Variants in RALYL observed in about 807,000 individuals in gnomAD.
RALYL encodes the protein RALY RNA binding protein like.
A neutral mutation model predicts 35.1 loss-of-function variants in RALYL; 29 were observed. The ratio of observed to expected loss-of-function variants is 0.83; its 90% CI spans 0.61 to 1.13. RALYL has a LOEUF of 1.13. RALYL is among the 50% of genes most tolerant of loss of function. The pLI is 0.00. For missense variants in RALYL, 359 were observed against 360.4 expected (o/e 1.00, Z 0.03); for synonymous variants, 120 against 127.6 (o/e 0.94, Z 0.40).
chr8:84,661,022 G>A (rs1046188123), intron 2 of RALYL, among the ~76,000 whole-genome samples: 30 of 151,896 alleles, frequency 2.0e-4, no homozygotes, highest in South Asian at 1.0e-3. Context: ...TCTGCCTCCC[G>A]GGTTCACGCC....
At chr8:84,728,896 A>C (rs1238743111) in intron 2 of RALYL, among the ~76,000 whole-genome samples, 8 of 152,134 alleles carry the variant, frequency 5.3e-5, no homozygotes, top group African/African-American at 1.9e-4. Context: ...TGTGGTTTGA[A>C]GTCAGGTAGC....
intron 1 of RALYL, among the ~76,000 whole-genome samples, chr8:84,511,128 A>G (rs1307137247): frequency 6.6e-6 from 1 of 152,092 alleles, no homozygotes; most frequent in African/African-American, 2.4e-5. Flanking sequence ...CTCTACTTCC[A>G]TGAATTCAAC....
At chr8:84,588,063 T>C (rs770895206) in intron 2 of RALYL, among the ~76,000 whole-genome samples, 4 of 152,030 alleles carry the variant, frequency 2.6e-5, no homozygotes, top group Non-Finnish European at 5.9e-5. Context: ...AAGAGAAACA[T>C]TGACAGAACT....
chr8:84,446,128 C>T (rs1170607428), intron 1 of RALYL, among the ~76,000 whole-genome samples: 1 of 151,840 alleles, frequency 6.6e-6, no homozygotes, highest in Non-Finnish European at 1.5e-5. Context: ...TCTACGTGTT[C>T]CCTGTGTTTG....
chr8:84,542,570 CT>C (rs987595882), intron 2 of RALYL, among the ~76,000 whole-genome samples: 8 of 152,022 alleles, frequency 5.3e-5, no homozygotes, highest in Non-Finnish European at 1.2e-4. Context: ...TCATAAGGGG[CT>C]TTTCCCCCTT....
intron 8 of RALYL, among the ~76,000 whole-genome samples, chr8:84,914,342 CTACA>C (rs1848087515): frequency 6.6e-6 from 1 of 151,950 alleles, no homozygotes; most frequent in Non-Finnish European, 1.5e-5. Flanking sequence ...TTTTTAGACA[CTACA>C]TAATTAGTAT....
chr8:84,654,295 A>ATG (rs1175036652), intron 2 of RALYL, among the ~76,000 whole-genome samples: 3 of 115,772 alleles, frequency 2.6e-5, no homozygotes, highest in Admixed American at 8.3e-5. Flanking sequence ...ATATATATAT[A>ATG]TATATATATA....
chr8:84,240,851 A>C (rs1563592347), intron 1 of RALYL, among the ~76,000 whole-genome samples: 1 of 152,232 alleles, frequency 6.6e-6, no homozygotes, highest in Admixed American at 6.5e-5. Context: ...TGTTCTTTTA[A>C]AAATCAAAGC....
Position 84,506,889 on chromosome 8 carries a change from C to T in RALYL, c.-23-22410C>T, listed in dbSNP as rs145577911. Among the ~76,000 whole-genome samples, 795 of 152,026 alleles carry T rather than the reference C, an allele frequency of 5.2e-3. 3 individuals are homozygous for T. The highest frequency in any genetic ancestry group is 0.017 in the African/African-American group (706 of 41,516). ...ATATTTTGCTCTCTTCTGAAGGTAA[C>T]AAAGGTAATGAAAGTTTTTACATCT... On this transcript the variant is annotated intron_variant, in intron 1 of 8. Transcript: ENST00000521268.
intron 8 of RALYL, among the ~76,000 whole-genome samples, chr8:84,903,175 G>C (rs554178961): frequency 6.6e-6 from 1 of 152,102 alleles, no homozygotes; most frequent in Non-Finnish European, 1.5e-5. Flanking sequence ...GGAATTCTCT[G>C]TTGAGCTGGG....
chr8:84,474,944 G>T lies in RALYL; in HGVS notation c.-23-54355G>T, dbSNP rs575159512. 1.4e-4 allele frequency among the ~76,000 whole-genome samples: 19 copies of T among 140,178 alleles called. No homozygotes were observed. In the South Asian group the frequency reaches 4.4e-3, roughly 33 times the overall value. 92.0% of individuals were successfully genotyped at this position (140,178 alleles called of 152,430 possible). A position where few individuals can be genotyped will look rare whatever the true frequency, so the allele number is the denominator to read the frequency against. ...TGTTTTATTATACTTTAAGTTCTAG[G>T]GTACATGGGCACAATGTGCAGGTTT... On this transcript the variant is annotated intron_variant, in intron 1 of 8. Transcript: ENST00000521268.
At chr8:84,731,736 C>T (rs981593688) in intron 2 of RALYL, among the ~76,000 whole-genome samples, 3 of 152,068 alleles carry the variant, frequency 2.0e-5, no homozygotes, top group Admixed American at 1.3e-4. Context: ...TCACATTCTG[C>T]CCCCTAAAAT....
At chr8:84,770,457 C>G (rs903848053) in intron 2 of RALYL, among the ~76,000 whole-genome samples, 5 of 121,092 alleles carry the variant, frequency 4.1e-5, no homozygotes, top group African/African-American at 1.5e-4. Flanking sequence ...GATTGATGGG[C>G]CTTTGGGCTC....
At chr8:84,832,994 C>A (rs529665839) in intron 4 of RALYL, among the ~76,000 whole-genome samples, 77 of 152,212 alleles carry the variant, frequency 5.1e-4, no homozygotes, top group African/African-American at 1.8e-3. Context: ...CCTTCTGGAG[C>A]CACAATGAAG....
At chr8:84,254,452 G>T (rs1830827827) in intron 1 of RALYL, among the ~76,000 whole-genome samples, 1 of 152,004 alleles carries the variant, frequency 6.6e-6, no homozygotes. Flanking sequence ...AAAGTCTGTG[G>T]GATCTGCAAG....
At chr8:84,750,726 G>A (rs529774010) in intron 2 of RALYL, among the ~76,000 whole-genome samples, 1 of 152,160 alleles carries the variant, frequency 6.6e-6, no homozygotes, top group African/African-American at 2.4e-5. Flanking sequence ...GAGGAAGGGA[G>A]ACCTGACCTA....
chr8:84,650,001 C>A lies in RALYL; in HGVS notation c.256+120424C>A, dbSNP rs866302083. Among the ~76,000 whole-genome samples the A allele has an allele frequency of 7.9e-5, 12 of 152,036 alleles. No individual in the cohort carries two copies. The South Asian group carries it at 1.2e-3, about 16-fold the overall frequency. On this transcript the variant is annotated intron_variant, in intron 2 of 8. Transcript: ENST00000521268. ...CTCCTTGAAGAGGTCCTTCACATCC[C>A]TTGTAAGTTGGATTCCTAGGTATTT...
intron 8 of RALYL, among the ~76,000 whole-genome samples, chr8:84,897,889 T>G (rs1845014543): frequency 6.6e-6 from 1 of 152,100 alleles, no homozygotes; most frequent in South Asian, 2.1e-4. Flanking sequence ...AACAAATAAG[T>G]AAAACAGTAT....
intron 2 of RALYL, among the ~76,000 whole-genome samples, chr8:84,675,115 T>A (rs1015488518): frequency 3.3e-5 from 5 of 152,198 alleles, no homozygotes; most frequent in Admixed American, 3.3e-4. Context: ...ATAAGATTTA[T>A]CGTATTTCCA....
Sources: gnomAD v4.1 joint callset for allele counts (sites outside exome capture counted in the v4.1 genomes callset) on GRCh38, gnomAD v4.1.1 for gene constraint, MANE v1.5 for transcripts, NCBI Gene and HGNC (gene_info 2026-07-23, HGNC 2026-07-21) for gene names.